The following MTHFD1L variants were observed in gnomAD, a reference collection of about 807,000 sequenced individuals.
MTHFD1L encodes the protein methylenetetrahydrofolate dehydrogenase (NADP+ dependent) 1 like.
MTHFD1L carries 81 observed loss-of-function variants against 119.5 expected under a neutral mutation model. That is an observed-to-expected ratio of 0.68 (90% confidence interval 0.57 to 0.82). The LOEUF (loss-of-function observed/expected upper bound fraction) is 0.82, where lower values mean the gene tolerates loss of function less well. Ranked by LOEUF, MTHFD1L falls within the 40% of genes least tolerant of loss-of-function variation. The pLI is 0.00. For missense variants in MTHFD1L, 1,125 were observed against 1,253.4 expected (o/e 0.90, Z 1.55); for synonymous variants, 430 against 475.2 (o/e 0.90, Z 1.24).
rs1452638729 is a variant in MTHFD1L at position 150,945,399 on chromosome 6, C to T, written c.1549-68C>T. On this transcript the variant is annotated intron_variant, in intron 14 of 27. Transcript: ENST00000367321. ...TAAATGCAATGAATTTTTGTCATAT[C>T]CTGTGAATTGTCCAAGTTCATGGAC... The T allele has an allele frequency of 7.0e-6, 9 of 1,277,182 alleles. No individual in the cohort carries two copies. The African/African-American group carries it at 7.5e-5, about 11-fold the overall frequency. The allele number at this position is 1,277,182 out of a possible 1,614,324, so 79.1% of individuals were successfully genotyped here.
At chr6:150,936,471 A>G (rs1156237514) in intron 11 of MTHFD1L, among the ~76,000 whole-genome samples, 7 of 152,226 alleles carry the variant, frequency 4.6e-5, no homozygotes, top group Non-Finnish European at 4.4e-5. Context: ...AACAACTGCT[A>G]TATACTCATC....
intron 23 of MTHFD1L, 66 bp downstream of exon 23, chr6:151,015,046 G>A: frequency 7.6e-7 from 1 of 1,313,076 alleles, no homozygotes; most frequent in Non-Finnish European, 1.1e-6. Context: ...CGATATTTGT[G>A]TCTTGGGGTA....
At chr6:151,070,590 C>G (rs1301587949) in intron 26 of MTHFD1L, among the ~76,000 whole-genome samples, 1 of 152,206 alleles carries the variant, frequency 6.6e-6, no homozygotes, top group East Asian at 1.9e-4. Context: ...TATATCAGGA[C>G]TTGCAGACCA....
rs1218603748 is a variant in MTHFD1L at position 150,866,271 on chromosome 6, G to T, written c.227+222G>T. 4.1e-6 allele frequency: 6 copies of T among 1,454,736 alleles called. No individual in the cohort carries two copies. The African/African-American group carries it at 8.9e-5, about 22-fold the overall frequency. The allele number at this position is 1,454,736 out of a possible 1,614,324, so 90.1% of individuals were successfully genotyped here. On this transcript the variant is annotated intron_variant, in intron 1 of 27. Coordinates refer to ENST00000367321, the MANE Select transcript of MTHFD1L (RefSeq NM_015440.5). ...GATCCAGTACCCGACCGGGCCCGCA[G>T]CGCAGGTGGGCGTGGGCATCTCCAA...
intron 26 of MTHFD1L, among the ~76,000 whole-genome samples, chr6:151,044,388 A>G (rs1044857228): frequency 7.4e-5 from 11 of 148,174 alleles, no homozygotes; most frequent in African/African-American, 2.3e-4. Context: ...TGCAACCTCC[A>G]TCTCCGGGTT....
intron 7 of MTHFD1L, among the ~76,000 whole-genome samples, chr6:150,892,052 A>C (rs1017954929): frequency 8.5e-5 from 13 of 152,230 alleles, no homozygotes; most frequent in African/African-American, 3.1e-4. Context: ...CCTTGCAATG[A>C]AACGTGAACC....
chr6:150,891,044 G>T lies in MTHFD1L; in HGVS notation c.780+3063G>T, dbSNP rs150723966. On this transcript the variant is annotated intron_variant, in intron 7 of 27. Transcript: ENST00000367321. ...TCTATCCCCCAGGCTGCAGTGCAGT[G>T]GCGCGAACTCGGCTCACTGCAACCT... Among the ~76,000 whole-genome samples, 79 of 152,310 alleles carry T rather than the reference G, an allele frequency of 5.2e-4. 1 individual carries two copies. The highest frequency in any genetic ancestry group is 1.7e-3 in the African/African-American group (70 of 41,568).
chr6:150,953,552 G>A (rs528668732), intron 16 of MTHFD1L, among the ~76,000 whole-genome samples: 1 of 152,180 alleles, frequency 6.6e-6, no homozygotes, highest in Non-Finnish European at 1.5e-5. Flanking sequence ...CAGAGACCAG[G>A]AATTCCATTT....
At chr6:150,952,745 G>A (rs2128979922) in intron 16 of MTHFD1L, among the ~76,000 whole-genome samples, 2 of 152,168 alleles carry the variant, frequency 1.3e-5, no homozygotes, top group South Asian at 4.1e-4. Flanking sequence ...GGCCAGGATG[G>A]TCTCGATTTC....
chr6:150,934,971 G>C, intron 11 of MTHFD1L: 5 of 1,534,160 alleles, frequency 3.3e-6, no homozygotes, highest in Non-Finnish European at 1.7e-6. Flanking sequence ...CCTGGAAATG[G>C]GGAATGGGCT....
chr6:150,953,749 T>C (rs1015917211), intron 16 of MTHFD1L, among the ~76,000 whole-genome samples: 1 of 152,068 alleles, frequency 6.6e-6, no homozygotes, highest in Non-Finnish European at 1.5e-5. Flanking sequence ...CTTTGCTAGA[T>C]AAAAAACAGC....
At chr6:150,915,925 G>A (rs1427881888) in intron 8 of MTHFD1L, among the ~76,000 whole-genome samples, 2 of 152,102 alleles carry the variant, frequency 1.3e-5, no homozygotes, top group Non-Finnish European at 2.9e-5. Context: ...TTTCTCCATC[G>A]CTTAAAGATA....
chr6:150,891,976 G>C (rs1783368914), intron 7 of MTHFD1L, among the ~76,000 whole-genome samples: 1 of 152,204 alleles, frequency 6.6e-6, no homozygotes, highest in African/African-American at 2.4e-5. Flanking sequence ...AGCAGATTTG[G>C]AATCTTTGCA....
intron 17 of MTHFD1L, among the ~76,000 whole-genome samples, chr6:150,958,952 A>G (rs1439989732): frequency 6.6e-6 from 1 of 152,166 alleles, no homozygotes; most frequent in Non-Finnish European, 1.5e-5. Context: ...ATTCTTATTT[A>G]CACAGCTAAT....
intron 20 of MTHFD1L, among the ~76,000 whole-genome samples, chr6:150,983,974 G>A (rs755848770): frequency 6.6e-5 from 10 of 151,984 alleles, no homozygotes; most frequent in Non-Finnish European, 1.3e-4. Flanking sequence ...GTCTCACTAC[G>A]TTGCCCAGGC....
rs557784271 is a variant in MTHFD1L at position 151,024,145 on chromosome 6, C to T, written c.2586+8452C>T. On this transcript the variant is annotated intron_variant, in intron 24 of 27. Coordinates refer to ENST00000367321, the MANE Select transcript of MTHFD1L (RefSeq NM_015440.5). ...TACAAGGGCTCCTTGAACATGAACA[C>T]GGAACGAGCGTTGCACCTGTATTCA... Among the ~76,000 whole-genome samples the T allele has an allele frequency of 2.0e-4, 30 of 152,040 alleles. No homozygotes were observed. In the Middle Eastern group the frequency reaches 0.01, roughly 52 times the overall value.
At position 150,922,208 on chromosome 6, in the gene MTHFD1L, A is replaced by G. The variant is rs1303255566; in HGVS notation, c.988A>G (p.Met330Val). The G allele has an allele frequency of 3.1e-6, 5 of 1,613,430 alleles. No individual in the cohort carries two copies. Among genetic ancestry groups the G allele is most frequent in the South Asian group, 1.1e-5 (1 of 91,030 alleles). The change falls in exon 10 of 28, where the codon ATG (methionine) becomes GTG (valine). Residue 330 changes from methionine (M) to valine (V), a missense_variant. Met to Val is a conservative substitution (Grantham distance 21, BLOSUM62 1). Transcript: ENST00000367321. Reference sequence around the variant, plus strand: ...TTCCCCTCTATCCCTGCTGAAGAACATGGTCAGTAGTGGAAGGAGATGGCT... The same window carrying G: ...TTCCCCTCTATCCCTGCTGAAGAACGTGGTCAGTAGTGGAAGGAGATGGCT... Reference protein sequence around the residue: ...LLAAALRIQNMVSSGRRWLRE... With the variant: ...LLAAALRIQNVVSSGRRWLRE...
intron 7 of MTHFD1L, among the ~76,000 whole-genome samples, chr6:150,904,802 T>G (rs887741746): frequency 6.6e-6 from 1 of 152,182 alleles, no homozygotes; most frequent in African/African-American, 2.4e-5. Flanking sequence ...ACACGATCAA[T>G]GCATTTTGTT....
Position 151,098,249 on chromosome 6 carries a change from A to T in MTHFD1L, c.*32-3277A>T, listed in dbSNP as rs113466215. On this transcript the variant is annotated intron_variant, in intron 27 of 27. Transcript: ENST00000367321. ...AATGATATTTAATAACCATAAATTA[A>T]TCTTGAGTTGGGTTGCTGCCTGCCA... is the stretch of plus-strand genomic sequence containing the variant. Among the ~76,000 whole-genome samples the T allele has an allele frequency of 2.1e-3, 314 of 152,276 alleles. 2 individuals are homozygous for T. Among genetic ancestry groups the T allele is most frequent in the African/African-American group, 6.4e-3 (265 of 41,548 alleles).
Sources: allele counts gnomAD v4.1 joint callset (sites outside exome capture counted in the v4.1 genomes callset), GRCh38; gene constraint gnomAD v4.1.1; transcripts MANE v1.5; gene names NCBI Gene and HGNC (gene_info 2026-07-23, HGNC 2026-07-21).